Variants in ADGRB2 observed in about 807,000 individuals in gnomAD.
The protein encoded by ADGRB2 is brain-specific angiogenesis inhibitor 2.
Under a neutral mutation model 178.7 loss-of-function variants are expected in ADGRB2, and 47 were observed. The observed-to-expected ratio is 0.26, with a 90% CI of 0.21 to 0.34. The LOEUF (loss-of-function observed/expected upper bound fraction) is 0.34, where lower values mean the gene tolerates loss of function less well. ADGRB2 is among the 10% of genes least tolerant of loss of function. The pLI is 1.00. For missense variants in ADGRB2, 1,584 were observed against 2,180.8 expected (o/e 0.73, Z 5.45); for synonymous variants, 870 against 912.4 (o/e 0.95, Z 0.84).
At chr1:31,731,604 A>G (rs900508561) in intron 28 of ADGRB2, among the ~76,000 whole-genome samples, 185 bp from the exon 29 acceptor site, 4 of 152,142 alleles carry the variant, frequency 2.6e-5, no homozygotes, top group Non-Finnish European at 5.9e-5. Context: ...CAACGGCTCC[A>G]AAGTCCCCAC....
Position 31,740,658 on chromosome 1 carries a change from G to T in ADGRB2, c.1795-117C>A. On this transcript the variant is annotated intron_variant, in intron 11 of 32. Transcript: ENST00000373658. This position sits in a 1 kb window ranked among gnomAD's most constrained non-coding sequence, Gnocchi z 5.9. ...TCCACGGGGAGAGAAAGGGGGAAAA[G>T]GTCAGAGAGGCTCAAAGGGGCACAC... The T allele has an allele frequency of 8.7e-7, 1 of 1,143,904 alleles. No individual in the cohort carries two copies. Among genetic ancestry groups the T allele is most frequent in the Non-Finnish European group, 1.2e-6 (1 of 827,820 alleles). The allele number at this position is 1,143,904 out of a possible 1,614,324, so 70.9% of individuals were successfully genotyped here. A position where few individuals can be genotyped will look rare whatever the true frequency, so the allele number is the denominator to read the frequency against.
Position 31,742,995 on chromosome 1 carries a change from G to C in ADGRB2, c.1095C>G (p.Gly365=). ...CNNSATCPVH[G]VWEEWGSWSL... is the part of the protein sequence containing the mutation. ...TCCAGGACCCCCACTCCTCCCACAC[G>C]CCGTGCACTGCAAGGAAGCACGTGG... Residue 365 remains glycine, a synonymous_variant, in exon 7 of 33, where the codon GGC becomes GGG. Transcript: ENST00000373658. 6.7e-7 allele frequency: 1 copy of C among 1,499,470 alleles called. No individual in the cohort carries two copies. The highest frequency in any genetic ancestry group is 8.9e-7 in the Non-Finnish European group (1 of 1,120,218). 92.9% of individuals were successfully genotyped at this position (1,499,470 alleles called of 1,614,324 possible). A position where few individuals can be genotyped will look rare whatever the true frequency, so the allele number is the denominator to read the frequency against.
chr1:31,760,316 C>T (rs1557800279), intron 1 of ADGRB2, among the ~76,000 whole-genome samples: 1 of 152,174 alleles, frequency 6.6e-6, no homozygotes, highest in Non-Finnish European at 1.5e-5. Flanking sequence ...AAGGCCCCTC[C>T]TCTAGGGGGC....
chr1:31,736,267 G>A (rs1389444248), intron 22 of ADGRB2, 54 bp downstream of exon 22: 15 of 1,593,236 alleles, frequency 9.4e-6, no homozygotes, highest in South Asian at 2.2e-5. Flanking sequence ...TGCCCAGTCC[G>A]ATTCCCTAAC....
chr1:31,728,358 C>A lies in ADGRB2; in HGVS notation c.4417-78G>T. The stretch of plus-strand genomic sequence containing the variant: ...CCCCTACCCAGGGCACTCAGCACCC[C>A]AAGCCCCCCACATCCCTCCCTGCTG... On this transcript the variant is annotated intron_variant, in intron 30 of 32. Coordinates refer to ENST00000373658, the MANE Select transcript of ADGRB2 (RefSeq NM_001364857.2). The surrounding 1 kb of genome is among the most constrained non-coding windows in gnomAD (Gnocchi z 6.7). 2 of 1,464,632 alleles carry A rather than the reference C, an allele frequency of 1.4e-6. No individual in the cohort carries two copies. The highest frequency in any genetic ancestry group is 1.9e-6 in the Non-Finnish European group (2 of 1,060,016). The allele number at this position is 1,464,632 out of a possible 1,614,324, so 90.7% of individuals were successfully genotyped here.
In ADGRB2 at chr1:31,741,067, C is replaced by T. The variant is rs1645936114; in HGVS notation, c.1794+306G>A. The stretch of plus-strand genomic sequence containing the variant: ...CTGGCCCTGGGCTGGATGCTGGGGA[C>T]ACAAAAATAAATTCAAGGAGGCCCC... On this transcript the variant is annotated intron_variant, in intron 11 of 32. Coordinates refer to ENST00000373658, the MANE Select transcript of ADGRB2 (RefSeq NM_001364857.2). This position sits in a 1 kb window ranked among gnomAD's most constrained non-coding sequence, Gnocchi z 6.5. Among the ~76,000 whole-genome samples the T allele has an allele frequency of 6.6e-6, 1 of 152,108 alleles. No individual in the cohort carries two copies. Among genetic ancestry groups the T allele is most frequent in the Non-Finnish European group, 1.5e-5 (1 of 68,002 alleles).
In ADGRB2 at chr1:31,735,132, C is replaced by CA; in HGVS notation, c.3452+50dup. 9.1e-6 allele frequency: 11 copies of CA among 1,204,594 alleles called. No homozygotes were observed. Among genetic ancestry groups the CA allele is most frequent in the South Asian group, 1.7e-5 (1 of 57,852 alleles). 74.6% of individuals were successfully genotyped at this position (1,204,594 alleles called of 1,614,324 possible). ...CCCCCACCATGGGCACTGCCCCCCC[C>CA]AATTCCTTTGCCCCACCCACCCCCA... On this transcript the variant is annotated intron_variant, in intron 25 of 32. Coordinates refer to ENST00000373658, the MANE Select transcript of ADGRB2 (RefSeq NM_001364857.2). This position sits in a 1 kb window ranked among gnomAD's most constrained non-coding sequence, Gnocchi z 6.0.
chr1:31,759,065 C>A lies in ADGRB2; in HGVS notation c.-190-1554G>T, dbSNP rs1430308300. Among the ~76,000 whole-genome samples, 1 of 152,212 alleles carries A rather than the reference C, an allele frequency of 6.6e-6. No individual in the cohort carries two copies. The highest frequency in any genetic ancestry group is 1.5e-5 in the Non-Finnish European group (1 of 68,036). On this transcript the variant is annotated intron_variant, in intron 1 of 32. Transcript: ENST00000373658. This position sits in a 1 kb window ranked among gnomAD's most constrained non-coding sequence, Gnocchi z 4.3. Reference sequence around the variant, plus strand: ...TACAGCAGCTCAGGGAACCTCCCCTCACATACACACCAACACACATGGGTT... The same window carrying A: ...TACAGCAGCTCAGGGAACCTCCCCTAACATACACACCAACACACATGGGTT...
intron 21 of ADGRB2, 82 bp from the exon 22 acceptor site, chr1:31,736,472 C>A (rs1057271167): frequency 2.1e-5 from 33 of 1,601,842 alleles, no homozygotes; most frequent in Non-Finnish European, 2.7e-5. Context: ...TCCCAGCTGA[C>A]CCCTGTGCCC....
chr1:31,746,140 G>A lies in ADGRB2; in HGVS notation c.839-1409C>T, dbSNP rs1646259190. Reference sequence around the variant, plus strand: ...CCTCTCTGACCCTGCTTTATCCTCTGGAGAACAACATTCATTATACTCCGC... The same window carrying A: ...CCTCTCTGACCCTGCTTTATCCTCTAGAGAACAACATTCATTATACTCCGC... On this transcript the variant is annotated intron_variant, in intron 4 of 32. Transcript: ENST00000373658. Among the ~76,000 whole-genome samples the A allele has an allele frequency of 1.3e-5, 2 of 152,166 alleles. 1 individual carries two copies. Among genetic ancestry groups the A allele is most frequent in the South Asian group, 4.1e-4 (2 of 4,832 alleles).
chr1:31,727,377 G>A lies in ADGRB2; in HGVS notation c.*43C>T, dbSNP rs757729794. The A allele has an allele frequency of 9.1e-6, 14 of 1,538,940 alleles. No individual in the cohort carries two copies. In the East Asian group the frequency reaches 3.1e-4, roughly 34 times the overall value. ...TTCCAAAGTGGAGTGTGAAAATAGAGAGATATATATATTTATATGCAGTGG... is the reference window on the plus strand; with the variant it reads ...TTCCAAAGTGGAGTGTGAAAATAGAAAGATATATATATTTATATGCAGTGG... On this transcript the variant is annotated 3_prime_UTR_variant, in exon 33 of 33. Coordinates refer to ENST00000373658, the MANE Select transcript of ADGRB2 (RefSeq NM_001364857.2). This position sits in a 1 kb window ranked among gnomAD's most constrained non-coding sequence, Gnocchi z 4.4.
intron 18 of ADGRB2, 32 bp downstream of exon 18, chr1:31,738,168 T>A (rs755118259): frequency 6.2e-7 from 1 of 1,608,788 alleles, no homozygotes. Context: ...GCCTCCTCCC[T>A]TATTCAGCCC....
chr1:31,733,203 C>T lies in ADGRB2; in HGVS notation c.3453-60G>A. 1 of 1,519,510 alleles carries T rather than the reference C, an allele frequency of 6.6e-7. No individual in the cohort carries two copies. Among genetic ancestry groups the T allele is most frequent in the African/African-American group, 1.4e-5 (1 of 72,630 alleles). The allele number at this position is 1,519,510 out of a possible 1,614,324, so 94.1% of individuals were successfully genotyped here. On this transcript the variant is annotated intron_variant, in intron 25 of 32. Transcript: ENST00000373658. This position sits in a 1 kb window ranked among gnomAD's most constrained non-coding sequence, Gnocchi z 4.3. ...ACTCCGGGGGACAGGATGGCTTGAGCCTAGGCCTCCACTCAGCTGGAGCTC... is the reference window on the plus strand; with the variant it reads ...ACTCCGGGGGACAGGATGGCTTGAGTCTAGGCCTCCACTCAGCTGGAGCTC...
Position 31,731,227 on chromosome 1 carries a change from G to A in ADGRB2, c.3953C>T (p.Pro1318Leu), listed in dbSNP as rs766997717. Reference protein sequence around the residue: ...ASPGLGEPPPPQEANPVYMCG... With the variant: ...ASPGLGEPPPLQEANPVYMCG... ...CATGTAAACAGGGTTGGCCTCCTGT[G>A]GGGGCGGAGGCTCCCCCAGCCCTGG... is the stretch of plus-strand genomic sequence containing the variant. The change falls in exon 29 of 33, where the codon CCA becomes CTA. Residue 1318 changes from proline to leucine, a missense_variant. This residue lies in a region of ADGRB2 where 865 missense variants were observed against 1,192.8 expected (regional missense o/e 0.73). Transcript: ENST00000373658. 6.2e-7 allele frequency: 1 copy of A among 1,605,078 alleles called. No individual in the cohort carries two copies. Among genetic ancestry groups the A allele is most frequent in the Admixed American group, 1.7e-5 (1 of 58,976 alleles).
rs1420105598 is a variant in ADGRB2, at chr1:31,761,456, A to G, written c.-191+2428T>C. Among the ~76,000 whole-genome samples, 1 of 152,182 alleles carries G rather than the reference A, an allele frequency of 6.6e-6. No homozygotes were observed. The highest frequency in any genetic ancestry group is 1.5e-5 in the Non-Finnish European group (1 of 68,026). On this transcript the variant is annotated intron_variant, in intron 1 of 32. Coordinates refer to ENST00000373658, the MANE Select transcript of ADGRB2 (RefSeq NM_001364857.2). This position sits in a 1 kb window ranked among gnomAD's most constrained non-coding sequence, Gnocchi z 4.2. ...GTGATTTCCCACCTGGGCTCCCCCT[A>G]ACAGGCTGCCTGCCTTCGGGGACTC...
At chr1:31,732,732 T>C (rs1645356353) in intron 26 of ADGRB2, 120 bp from the exon 27 acceptor site, 1 of 1,249,556 alleles carries the variant, frequency 8.0e-7, no homozygotes, top group Non-Finnish European at 1.1e-6. Context: ...CATCCAACCT[T>C]GGGGAAGGTG....
chr1:31,735,644 T>A lies in ADGRB2; in HGVS notation c.3289A>T (p.Ile1097Phe). ...IVLVNMLIGI[I>F]VFNKLMARDG... Reference sequence around the variant, plus strand: ...CGTGCCATGAGCTTGTTGAAGACGATGATTCCGATGAGCATGTTCACCTGG... The same window carrying A: ...CGTGCCATGAGCTTGTTGAAGACGAAGATTCCGATGAGCATGTTCACCTGG... Residue 1097 changes from isoleucine (I) to phenylalanine (F), a missense_variant, in exon 24 of 33, where the codon ATC becomes TTC. Transcript: ENST00000373658. The surrounding 1 kb of genome is among the most constrained non-coding windows in gnomAD (Gnocchi z 6.0). 1 of 1,604,368 alleles carries A rather than the reference T, an allele frequency of 6.2e-7. No homozygotes were observed. The highest frequency in any genetic ancestry group is 8.5e-7 in the Non-Finnish European group (1 of 1,172,940).
chr1:31,735,692 G>A lies in ADGRB2; in HGVS notation c.3268-27C>T, dbSNP rs1355482687. The A allele has an allele frequency of 1.3e-6, 2 of 1,579,728 alleles. No individual in the cohort carries two copies. The highest frequency in any genetic ancestry group is 2.3e-5 in the East Asian group (1 of 44,410). On this transcript the variant is annotated intron_variant, in intron 23 of 32. Transcript: ENST00000373658. This position sits in a 1 kb window ranked among gnomAD's most constrained non-coding sequence, Gnocchi z 6.0. ...TGGGGGCCCAGTAGAGTGGAGTGGG[G>A]GAGACAGGATCACCAGGTGCCCTCC...
At position 31,739,436 on chromosome 1, in the gene ADGRB2, T is replaced by C; in HGVS notation, c.2367A>G (p.Pro789=). 1.9e-6 allele frequency: 3 copies of C among 1,589,228 alleles called. No individual in the cohort carries two copies. Among genetic ancestry groups the C allele is most frequent in the Non-Finnish European group, 8.6e-7 (1 of 1,168,276 alleles). The change falls in exon 15 of 33, where the codon CCA becomes CCG. Residue 789 remains proline (P), a synonymous_variant. Coordinates refer to ENST00000373658, the MANE Select transcript of ADGRB2 (RefSeq NM_001364857.2). ...AAGSPGRGRG[P]GTVPPGPGHS... ...GGCCTGGGCCAGGAGGCACCGTTCCTGGGCCCCTCCCCCTGCCAGGGCTGC... is the reference window on the plus strand; with the variant it reads ...GGCCTGGGCCAGGAGGCACCGTTCCCGGGCCCCTCCCCCTGCCAGGGCTGC...
Sources: gnomAD v4.1 joint callset for allele counts (sites outside exome capture counted in the v4.1 genomes callset) on GRCh38, gnomAD v4.1.1 for gene constraint, gnomAD v4.1.1 regional missense constraint, Gnocchi (gnomAD v3.1) non-coding constraint, MANE v1.5 for transcripts, NCBI Gene and HGNC (gene_info 2026-07-23, HGNC 2026-07-21) for gene names.